TCF7L2: variants seen among roughly 807,000 people sequenced by gnomAD.
TCF7L2 encodes the protein transcription factor 7-like 2.
Under a neutral mutation model 77.9 loss-of-function variants are expected in TCF7L2, and 23 were observed. The observed-to-expected ratio is 0.30, with a 90% CI of 0.21 to 0.42. The LOEUF is 0.42. Among genes scored for constraint, TCF7L2 ranks in the 10% least tolerant of loss-of-function variants. The pLI, the probability that TCF7L2 is intolerant of heterozygous loss-of-function variation, is 1.00. For missense variants in TCF7L2, 654 were observed against 793.1 expected (o/e 0.82, Z 2.11); for synonymous variants, 413 against 340.2 (o/e 1.21, Z -2.36).
intron 4 of TCF7L2, 59 bp from the exon 5 acceptor site, chr10:113,039,966 T>C: frequency 6.8e-7 from 1 of 1,468,636 alleles, no homozygotes. Flanking sequence ...GGGCTAGTTG[T>C]TCTGCATTTA....
At chr10:112,991,663 C>T (rs893411798) in intron 4 of TCF7L2, among the ~76,000 whole-genome samples, 1 of 152,120 alleles carries the variant, frequency 6.6e-6, no homozygotes, top group Non-Finnish European at 1.5e-5. Context: ...ACCATCTAGT[C>T]AGGGCTTGTT....
chr10:113,092,647 G>A lies in TCF7L2; in HGVS notation c.553-48537G>A, dbSNP rs79417735. 4.6e-5 allele frequency among the ~76,000 whole-genome samples: 7 copies of A among 152,320 alleles called. No homozygotes were observed. In the East Asian group the frequency reaches 5.8e-4, roughly 13 times the overall value. Reference sequence around the variant, plus strand: ...TGTAATCCCAGCACTTCAGAAGGCCGAGGTGGGCAGATCACGAAGTCAGGA... The same window carrying A: ...TGTAATCCCAGCACTTCAGAAGGCCAAGGTGGGCAGATCACGAAGTCAGGA... On this transcript the variant is annotated intron_variant, in intron 5 of 13. Transcript: ENST00000627217.
chr10:112,951,133 T>G, intron 1 of TCF7L2, 74 bp from the exon 2 acceptor site: 1 of 1,383,434 alleles, frequency 7.2e-7, no homozygotes, highest in Non-Finnish European at 9.8e-7. Context: ...CCTCGCCGAT[T>G]CTTTTTCTCC....
chr10:113,132,339 A>G (rs530657092), intron 5 of TCF7L2, among the ~76,000 whole-genome samples: 1 of 152,254 alleles, frequency 6.6e-6, no homozygotes, highest in Admixed American at 6.5e-5. Context: ...CAGGGTATAC[A>G]AGAAAAACAA....
chr10:113,158,517 C>T (rs2072443506), intron 12 of TCF7L2, 150 bp from the exon 13 acceptor site: 3 of 768,716 alleles, frequency 3.9e-6, no homozygotes, highest in Non-Finnish European at 6.5e-6. Flanking sequence ...AAATTACACC[C>T]ATTTTAAATT....
intron 4 of TCF7L2, among the ~76,000 whole-genome samples, chr10:112,967,975 T>C (rs2037386255): frequency 6.6e-6 from 1 of 152,254 alleles, no homozygotes; most frequent in East Asian, 1.9e-4. Flanking sequence ...TGTTTTAAAA[T>C]TCTATTGACT....
chr10:113,081,191 A>G (rs1359785803), intron 5 of TCF7L2, among the ~76,000 whole-genome samples: 1 of 152,174 alleles, frequency 6.6e-6, no homozygotes, highest in African/African-American at 2.4e-5. Flanking sequence ...TGTAAGAGAT[A>G]TGTTGGCTTT....
intron 5 of TCF7L2, among the ~76,000 whole-genome samples, chr10:113,041,014 A>G (rs1481540149): frequency 6.6e-6 from 1 of 152,220 alleles, no homozygotes; most frequent in Non-Finnish European, 1.5e-5. Context: ...TCATAAATAC[A>G]TTTTGCCTCT....
chr10:113,110,405 T>A (rs1174748745), intron 5 of TCF7L2, among the ~76,000 whole-genome samples: 2 of 141,674 alleles, frequency 1.4e-5, no homozygotes, highest in Non-Finnish European at 3.1e-5. Flanking sequence ...ATTTTTTTCC[T>A]AAAAGATTTT....
intron 5 of TCF7L2, among the ~76,000 whole-genome samples, chr10:113,073,099 CGTGTGTGTGTGTGT>C (rs71489997): frequency 1.9e-5 from 2 of 103,962 alleles, no homozygotes; most frequent in Non-Finnish European, 3.8e-5. Context: ...AGGGCCAGGT[CGTGTGTGTGTGTGT>C]GTGTGTGTGT....
chr10:113,084,733 A>C (rs916309857), intron 5 of TCF7L2, among the ~76,000 whole-genome samples: 2 of 151,516 alleles, frequency 1.3e-5, no homozygotes, highest in African/African-American at 4.8e-5. Context: ...GGTCTCTACC[A>C]AAAAAAATAC....
At chr10:112,979,256 A>G (rs1226630519) in intron 4 of TCF7L2, among the ~76,000 whole-genome samples, 1 of 152,016 alleles carries the variant, frequency 6.6e-6, no homozygotes. Flanking sequence ...GTACCCATAA[A>G]TCTAATGATT....
At chr10:113,117,883 G>T (rs2064086530) in intron 5 of TCF7L2, among the ~76,000 whole-genome samples, 1 of 152,212 alleles carries the variant, frequency 6.6e-6, no homozygotes, top group African/African-American at 2.4e-5. Flanking sequence ...CGGTTGTCTG[G>T]GGCAGGCACC....
chr10:113,137,109 A>G (rs1329013278), intron 5 of TCF7L2, among the ~76,000 whole-genome samples: 1 of 152,106 alleles, frequency 6.6e-6, no homozygotes, highest in Non-Finnish European at 1.5e-5. Context: ...AAGAGATATT[A>G]AAATATATGG....
rs1197430061 is a variant in TCF7L2, at chr10:113,166,438, T to C, written c.*466T>C. 4.6e-6 allele frequency: 1 copy of C among 216,978 alleles called. No homozygotes were observed. The highest frequency in any genetic ancestry group is 6.6e-5 in the East Asian group (1 of 15,264). The allele number at this position is 216,978 out of a possible 1,614,324, so 13.4% of individuals were successfully genotyped here. On this transcript the variant is annotated 3_prime_UTR_variant, in exon 14 of 14. Coordinates refer to ENST00000627217, the MANE Select transcript of TCF7L2 (RefSeq NM_001146274.2). ...TTTTAAACCGTAAGGGCACCATGAA[T>C]GCAGTGCCGTTACTTTTTTTTTTTT...
rs1386228076 is a variant in TCF7L2 at position 112,964,760 on chromosome 10, ATGG to A, written c.450+151_450+153del. The A allele has an allele frequency of 7.0e-3, 2,852 of 406,536 alleles. 92 individuals are homozygous for A. The African/African-American group carries it at 0.099, about 14-fold the overall frequency. 25.2% of individuals were successfully genotyped at this position (406,536 alleles called of 1,614,324 possible). On this transcript the variant is annotated intron_variant, in intron 4 of 13. Coordinates refer to ENST00000627217, the MANE Select transcript of TCF7L2 (RefSeq NM_001146274.2). The stretch of plus-strand genomic sequence containing the variant: ...GATGATGGTGGTGGTGGTGGTGGTG[ATGG>A]TGGTGGTGGTGGTGATGGTGGTGGT...
At chr10:113,070,141 A>G (rs1371957895) in intron 5 of TCF7L2, among the ~76,000 whole-genome samples, 1 of 151,830 alleles carries the variant, frequency 6.6e-6, no homozygotes, top group Non-Finnish European at 1.5e-5. Flanking sequence ...CTGTAATCCC[A>G]GCTACTCGGG....
At chr10:113,003,287 T>C (rs1327689318) in intron 4 of TCF7L2, among the ~76,000 whole-genome samples, 1 of 152,228 alleles carries the variant, frequency 6.6e-6, no homozygotes, top group East Asian at 1.9e-4. Flanking sequence ...GGGCCTCTTT[T>C]TGATGCCTTC....
intron 5 of TCF7L2, among the ~76,000 whole-genome samples, chr10:113,089,132 G>C (rs1484776622): frequency 1.3e-5 from 2 of 152,188 alleles, no homozygotes; most frequent in African/African-American, 4.8e-5. Flanking sequence ...ATGCCCATTA[G>C]GAGAATGGTG....
Sources: allele counts gnomAD v4.1 joint callset (sites outside exome capture counted in the v4.1 genomes callset), GRCh38; gene constraint gnomAD v4.1.1; transcripts MANE v1.5; gene names NCBI Gene and HGNC (gene_info 2026-07-23, HGNC 2026-07-21).